Variants in CPEB3 observed in about 807,000 individuals in gnomAD.
CPEB3 encodes cytoplasmic polyadenylation element binding protein 3.
Under a neutral mutation model 67.2 loss-of-function variants are expected in CPEB3, and 20 were observed. The ratio of observed to expected loss-of-function variants is 0.30; its 90% confidence interval spans 0.21 to 0.43. CPEB3 has a LOEUF of 0.43. Among genes scored for constraint, CPEB3 ranks in the 20% least tolerant of loss-of-function variants. The probability of loss-of-function intolerance (pLI) is 1.00; values close to 1 mark genes in which losing one functional copy is unlikely to be tolerated. For synonymous variants in CPEB3, 376 were observed against 393.1 expected (o/e 0.96, Z 0.51); for missense variants, 746 against 968.6 (o/e 0.77, Z 3.05).
intron 4 of CPEB3, among the ~76,000 whole-genome samples, chr10:92,175,337 C>T (rs1363505165): frequency 1.3e-5 from 2 of 151,502 alleles, no homozygotes; most frequent in South Asian, 2.1e-4. Context: ...ATTTATTTGC[C>T]GAGTAGTATT....
intron 4 of CPEB3, among the ~76,000 whole-genome samples, chr10:92,166,777 C>A (rs1847764202): frequency 6.6e-6 from 1 of 152,282 alleles, no homozygotes; most frequent in South Asian, 2.1e-4. Context: ...GCTGTATTAG[C>A]CCCTAACAAG....
intron 4 of CPEB3, among the ~76,000 whole-genome samples, chr10:92,158,871 T>A (rs756791770): frequency 2.0e-5 from 3 of 152,220 alleles, no homozygotes; most frequent in Non-Finnish European, 2.9e-5. Context: ...CACTAAAAGA[T>A]CCTGTCAAGC....
chr10:92,280,753 CTTTTTTTTT>C (rs948586177), intron 1 of CPEB3, among the ~76,000 whole-genome samples: 2 of 91,668 alleles, frequency 2.2e-5, no homozygotes, highest in Admixed American at 1.4e-4. Context: ...AGCATCTATT[CTTTTTTTTT>C]TTTTTTTTTT....
chr10:92,079,158 G>A (rs150743604), intron 9 of CPEB3, among the ~76,000 whole-genome samples: 2 of 152,146 alleles, frequency 1.3e-5, no homozygotes, highest in South Asian at 2.1e-4. Context: ...TAGAGGTCTC[G>A]ATGTAATGGA....
intron 8 of CPEB3, among the ~76,000 whole-genome samples, chr10:92,084,270 A>T (rs981690165): frequency 6.6e-6 from 1 of 152,124 alleles, no homozygotes; most frequent in African/African-American, 2.4e-5. Flanking sequence ...GCACATTCCA[A>T]GGATTAGATC....
At chr10:92,166,146 T>C (rs1287702040) in intron 4 of CPEB3, among the ~76,000 whole-genome samples, 6 of 151,740 alleles carry the variant, frequency 4.0e-5, no homozygotes, top group Non-Finnish European at 8.8e-5. Context: ...TTTCACTCTG[T>C]CGCCCAGGCT....
At chr10:92,073,592 C>T (rs1842834240) in intron 9 of CPEB3, among the ~76,000 whole-genome samples, 1 of 152,022 alleles carries the variant, frequency 6.6e-6, no homozygotes, top group Non-Finnish European at 1.5e-5. Flanking sequence ...GCATGTGTCA[C>T]CACACCTGGC....
intron 9 of CPEB3, among the ~76,000 whole-genome samples, chr10:92,080,861 A>G (rs1843124283): frequency 6.6e-6 from 1 of 152,128 alleles, no homozygotes; most frequent in East Asian, 1.9e-4. Context: ...GGCCTCCCAG[A>G]GTGCTGGGAT....
At chr10:92,194,349 G>A (rs1849129464) in intron 2 of CPEB3, among the ~76,000 whole-genome samples, 1 of 151,800 alleles carries the variant, frequency 6.6e-6, no homozygotes, top group South Asian at 2.1e-4. Context: ...CTGAGGCAGC[G>A]AATTGCTTGG....
intron 6 of CPEB3, chr10:92,119,243 C>T: frequency 6.3e-7 from 1 of 1,575,860 alleles, no homozygotes; most frequent in Non-Finnish European, 8.7e-7. Context: ...TTATCTCCAG[C>T]CTGGGAAAAG....
intron 4 of CPEB3, among the ~76,000 whole-genome samples, chr10:92,161,115 G>T (rs574241376): frequency 7.9e-5 from 12 of 152,212 alleles, no homozygotes; most frequent in African/African-American, 2.4e-4. Context: ...CAAGGGATCT[G>T]CCCACCTTGG....
At chr10:92,160,408 C>A (rs1191167309) in intron 4 of CPEB3, among the ~76,000 whole-genome samples, 3 of 152,074 alleles carry the variant, frequency 2.0e-5, no homozygotes, top group African/African-American at 7.2e-5. Context: ...AGCTTCCTAC[C>A]TTGATCCCTC....
intron 4 of CPEB3, among the ~76,000 whole-genome samples, chr10:92,176,091 C>T (rs1436030827): frequency 1.3e-5 from 2 of 151,902 alleles, no homozygotes; most frequent in African/African-American, 4.8e-5. Flanking sequence ...ATTCTGTCTC[C>T]AAATAAGTAA....
chr10:92,050,737 C>T lies in CPEB3; in HGVS notation c.*1475G>A, dbSNP rs1262104212. 6.6e-6 allele frequency: 1 copy of T among 152,626 alleles called. No individual in the cohort carries two copies. Among genetic ancestry groups the T allele is most frequent in the Non-Finnish European group, 1.5e-5 (1 of 68,032 alleles). 9.5% of individuals were successfully genotyped at this position (152,626 alleles called of 1,614,324 possible). ...TTTTGTACAGACATTTCTTTAGCAT[C>T]ACCATTACACAACTTTCTTAAAAAT... is the stretch of plus-strand genomic sequence containing the variant. On this transcript the variant is annotated 3_prime_UTR_variant, in exon 10 of 10. Transcript: ENST00000265997.
chr10:92,285,626 A>G (rs1245383222), intron 1 of CPEB3, among the ~76,000 whole-genome samples: 1 of 152,242 alleles, frequency 6.6e-6, no homozygotes, highest in Non-Finnish European at 1.5e-5. Context: ...CCACAGCACC[A>G]GCCCTTCATA....
At chr10:92,078,553 A>C (rs1332270973) in intron 9 of CPEB3, among the ~76,000 whole-genome samples, 1 of 152,084 alleles carries the variant, frequency 6.6e-6, no homozygotes, top group Admixed American at 6.6e-5. Context: ...TCTTGCTCCA[A>C]ATTCCCTACT....
At chr10:92,059,226 AAGGC>A (rs1300883629) in intron 9 of CPEB3, among the ~76,000 whole-genome samples, 1 of 151,466 alleles carries the variant, frequency 6.6e-6, no homozygotes, top group Non-Finnish European at 1.5e-5. Context: ...CCTGGAAGCT[AAGGC>A]AGGAGAATCG....
chr10:92,166,474 A>G (rs941470273), intron 4 of CPEB3, among the ~76,000 whole-genome samples: 3 of 152,222 alleles, frequency 2.0e-5, no homozygotes, highest in Non-Finnish European at 4.4e-5. Flanking sequence ...CATGGGCTGT[A>G]GAATGGATGA....
chr10:92,090,372 T>C (rs1310159003), intron 8 of CPEB3, among the ~76,000 whole-genome samples: 4 of 152,118 alleles, frequency 2.6e-5, no homozygotes, highest in African/African-American at 9.7e-5. Flanking sequence ...CAAAACCCTG[T>C]TTCTACTAGA....
Sources: allele counts gnomAD v4.1 joint callset (sites outside exome capture counted in the v4.1 genomes callset), GRCh38; gene constraint gnomAD v4.1.1; transcripts MANE v1.5; gene names NCBI Gene and HGNC (gene_info 2026-07-23, HGNC 2026-07-21).